FAM47B: variants seen among roughly 807,000 people sequenced by gnomAD.
The protein encoded by FAM47B is family with sequence similarity 47 member B.
For missense variants in FAM47B, 581 were observed against 550.1 expected, an observed-to-expected ratio of 1.06 and a Z score of -0.56; for synonymous variants, 247 against 215.8, an observed-to-expected ratio of 1.14 and a Z score of -1.27.
Position 34,944,365 on chromosome X carries a change from A to G in FAM47B, c.1534A>G (p.Met512Val). ...NECASRLMYGMELDDMDEVEF... is the reference protein window; with the variant it reads ...NECASRLMYGVELDDMDEVEF... ...GTGTGCTTCAAGGCTGATGTACGGC[A>G]TGGAGCTAGACGACATGGATGAGGT... Residue 512 changes from methionine to valine, a missense_variant, in exon 1 of 1, where the codon ATG (methionine) becomes GTG (valine). Physicochemically the swap from Met to Val is conservative, Grantham distance 21. Transcript: ENST00000329357. 8.3e-7 allele frequency: 1 copy of G among 1,212,080 alleles called. No individual in the cohort carries two copies. The highest frequency in any genetic ancestry group is 1.1e-6 in the Non-Finnish European group (1 of 895,667).
At position 34,944,545 on chromosome X, in the gene FAM47B, C is replaced by T. The variant is rs1310731534; in HGVS notation, c.1714C>T (p.Pro572Ser). The change falls in exon 1 of 1, where the codon CCC (proline) becomes TCC (serine). Residue 572 changes from proline (P) to serine (S), a missense_variant. By Grantham distance (74) the Pro-to-Ser change is moderately conservative. Transcript: ENST00000329357. The stretch of plus-strand genomic sequence containing the variant: ...TGATGAACCTTTGATTGACCCCAAG[C>T]CCGTACTTGAAAAGCCTGATGAACC... ...RSDEPLIDPK[P>S]VLEKPDEPDI... The T allele has an allele frequency of 1.2e-5, 14 of 1,208,565 alleles. No individual in the cohort carries two copies. The highest frequency in any genetic ancestry group is 3.5e-5 in the African/African-American group (2 of 57,047).
chrX:34,944,187 C>T lies in FAM47B; in HGVS notation c.1356C>T (p.Asp452=), dbSNP rs1343132321. Residue 452 remains aspartate, a synonymous_variant, in exon 1 of 1, where the codon GAC becomes GAT. Transcript: ENST00000329357. ...DTPSTMECVS[D]SLQRRHTSRK... ...CAAGCACAATGGAGTGTGTTTCTGA[C>T]TCTCTTCAACGTAGACACACATCGA... is the stretch of plus-strand genomic sequence containing the variant. The T allele has an allele frequency of 8.3e-7, 1 of 1,209,841 alleles. No homozygotes were observed. Among genetic ancestry groups the T allele is most frequent in the Admixed American group, 2.2e-5 (1 of 45,703 alleles).
Position 34,943,317 on chromosome X carries a change from T to G in FAM47B, c.486T>G (p.Ala162=), listed in dbSNP as rs1367019574. 20 of 1,210,877 alleles carry G rather than the reference T, an allele frequency of 1.7e-5. No individual in the cohort carries two copies. Among genetic ancestry groups the G allele is most frequent in the Non-Finnish European group, 2.1e-5 (19 of 895,144 alleles). Residue 162 remains alanine, a synonymous_variant, in exon 1 of 1, where the codon GCT becomes GCG. Coordinates refer to ENST00000329357, the MANE Select transcript of FAM47B (RefSeq NM_152631.3). ...ATCCCGAGAGGAAGCTGGAGGACGC[T>G]TGGGCTCGTTGTGAGGCCCGGGAGA... ...QLDPERKLED[A]WARCEAREKT...
chrX:34,943,265 T>G lies in FAM47B; in HGVS notation c.434T>G (p.Leu145Arg). The change falls in exon 1 of 1, where the codon CTC (leucine) becomes CGC (arginine). Residue 145 changes from leucine (L) to arginine (R), a missense_variant. Coordinates refer to ENST00000329357, the MANE Select transcript of FAM47B (RefSeq NM_152631.3). The part of the protein sequence containing the change: ...PNLGKDMPPD[L>R]LLQVLKQLDP... ...CTGGGAAAAGATATGCCTCCAGATC[T>G]CCTACTACAGGTGCTGAAACAGCTG... The G allele has an allele frequency of 8.3e-7, 1 of 1,211,369 alleles. No homozygotes were observed. Among genetic ancestry groups the G allele is most frequent in the Non-Finnish European group, 1.1e-6 (1 of 895,382 alleles).
Position 34,944,734 on chromosome X carries a change from A to G in FAM47B, c.1903A>G (p.Lys635Glu), listed in dbSNP as rs868183195. 1.1e-5 allele frequency: 13 copies of G among 1,176,561 alleles called. No homozygotes were observed. In the Middle Eastern group the frequency reaches 1.2e-3, roughly 108 times the overall value. ...ACGTGCAGTGCAAGTTTACAAGTAC[A>G]AAGAAGACGTCACAGATGCATCAAA... ...IQRAVQVYKY[K>E]EDVTDASKED Residue 635 changes from lysine (K) to glutamate (E), a missense_variant, in exon 1 of 1, where the codon AAA (lysine) becomes GAA (glutamate). Transcript: ENST00000329357.
chrX:34,944,710 C>T lies in FAM47B; in HGVS notation c.1879C>T (p.Arg627Cys), dbSNP rs772270853. 13 of 1,194,874 alleles carry T rather than the reference C, an allele frequency of 1.1e-5. No individual in the cohort carries two copies. Among genetic ancestry groups the T allele is most frequent in the Admixed American group, 2.3e-5 (1 of 43,562 alleles). The change falls in exon 1 of 1, where the codon CGT becomes TGT. Residue 627 changes from arginine (R) to cysteine (C), a missense_variant. Physicochemically the swap from Arg to Cys is radical, Grantham distance 180. Coordinates refer to ENST00000329357, the MANE Select transcript of FAM47B (RefSeq NM_152631.3). ...TYDSVKTPIQ[R>C]AVQVYKYKED... ...CGACTCTGTTAAGACTCCTATTCAA[C>T]GTGCAGTGCAAGTTTACAAGTACAA... is the stretch of plus-strand genomic sequence containing the variant.
rs1926824109 is a variant in FAM47B at position 34,943,665 on chromosome X, T to C, written c.834T>C (p.Thr278=). 2 of 1,209,411 alleles carry C rather than the reference T, an allele frequency of 1.7e-6. No homozygotes were observed. Among genetic ancestry groups the C allele is most frequent in the African/African-American group, 1.8e-5 (1 of 56,927 alleles). Residue 278 remains threonine (T), a synonymous_variant, in exon 1 of 1, where the codon ACT becomes ACC. Transcript: ENST00000329357. Reference sequence around the variant, plus strand: ...GTGTCCACCCAGAGCCTCCTGATACTGGAGCGTCCCATCTCTGCCCGGAGC... The same window carrying C: ...GTGTCCACCCAGAGCCTCCTGATACCGGAGCGTCCCATCTCTGCCCGGAGC... ...VSSVHPEPPD[T]GASHLCPEPP...
rs758694214 is a variant in FAM47B at position 34,943,188 on chromosome X, G to A, written c.357G>A (p.Glu119=). Residue 119 remains glutamate (E), a synonymous_variant, in exon 1 of 1, where the codon GAG becomes GAA. Transcript: ENST00000329357. Reference sequence around the variant, plus strand: ...AGCCAGCACGGAAGGCGTTCGTAGAGGAAGTGGAAGCCCAGCTGATGACCA... The same window carrying A: ...AGCCAGCACGGAAGGCGTTCGTAGAAGAAGTGGAAGCCCAGCTGATGACCA... ...PVQPARKAFV[E]EVEAQLMTKH... is the part of the protein sequence containing the mutation. 6 of 1,209,371 alleles carry A rather than the reference G, an allele frequency of 5.0e-6. No homozygotes were observed. In the African/African-American group the frequency reaches 7.0e-5, roughly 14 times the overall value.
rs1289803314 is a variant in FAM47B at position 34,943,425 on chromosome X, T to C, written c.594T>C (p.Arg198=). Residue 198 remains arginine (R), a synonymous_variant, in exon 1 of 1, where the codon CGT becomes CGC. Transcript: ENST00000329357. ...CPRPPETPVS[R]LRPQLPKTPV... is the part of the protein sequence containing the mutation. ...GGCCTCCCGAGACTCCGGTGTCCCG[T>C]CTCCGTCCTCAGCTTCCCAAGACTC... is the stretch of plus-strand genomic sequence containing the variant. 4 of 1,210,199 alleles carry C rather than the reference T, an allele frequency of 3.3e-6. No homozygotes were observed. In the East Asian group the frequency reaches 8.9e-5, roughly 27 times the overall value.
At position 34,944,666 on chromosome X, in the gene FAM47B, C is replaced by T. The variant is rs1926857216; in HGVS notation, c.1835C>T (p.Ala612Val). The T allele has an allele frequency of 2.5e-6, 3 of 1,211,303 alleles. No homozygotes were observed. The highest frequency in any genetic ancestry group is 3.4e-6 in the Non-Finnish European group (3 of 895,342). Reference sequence around the variant, plus strand: ...CCTGGCGTCATTGAAAAGCTGTTTGCCAAGAAGGGATGGACTTACGACTCT... The same window carrying T: ...CCTGGCGTCATTGAAAAGCTGTTTGTCAAGAAGGGATGGACTTACGACTCT... Reference protein sequence around the residue: ...RMPGVIEKLFAKKGWTYDSVK... With the variant: ...RMPGVIEKLFVKKGWTYDSVK... The change falls in exon 1 of 1, where the codon GCC becomes GTC. Residue 612 changes from alanine to valine, a missense_variant. Coordinates refer to ENST00000329357, the MANE Select transcript of FAM47B (RefSeq NM_152631.3).
chrX:34,944,892 A>T lies in FAM47B; in HGVS notation c.*123A>T. On this transcript the variant is annotated 3_prime_UTR_variant, in exon 1 of 1. Coordinates refer to ENST00000329357, the MANE Select transcript of FAM47B (RefSeq NM_152631.3). ...GCAACATCTGTAAATTCAATACCCA[A>T]TGCTTATAAATATGTCTTAATGACC... The T allele has an allele frequency of 1.3e-6, 1 of 752,702 alleles. No homozygotes were observed. Among genetic ancestry groups the T allele is most frequent in the Non-Finnish European group, 1.9e-6 (1 of 536,648 alleles). The allele number at this position is 752,702 out of a possible 1,213,427, so 62.0% of individuals were successfully genotyped here. A position where few individuals can be genotyped will look rare whatever the true frequency, so the allele number is the denominator to read the frequency against.
chrX:34,942,927 G>A lies in FAM47B; in HGVS notation c.96G>A (p.Lys32=). The change falls in exon 1 of 1, where the codon AAG becomes AAA. Residue 32 remains lysine, a synonymous_variant. Transcript: ENST00000329357. ...AACCGCCTTCCAAGTACTTCGCGAA[G>A]CGCAAGCACAGGCGCCTGAGGTTCC... ...CDKPPSKYFA[K]RKHRRLRFPP... 1 of 1,212,264 alleles carries A rather than the reference G, an allele frequency of 8.2e-7. No homozygotes were observed. The highest frequency in any genetic ancestry group is 1.1e-6 in the Non-Finnish European group (1 of 895,576).
rs1409106885 is a variant in FAM47B at position 34,944,018 on chromosome X, A to G, written c.1187A>G (p.His396Arg). 4.1e-6 allele frequency: 5 copies of G among 1,207,340 alleles called. No individual in the cohort carries two copies. Among genetic ancestry groups the G allele is most frequent in the Middle Eastern group, 2.3e-4 (1 of 4,319 alleles). The change falls in exon 1 of 1, where the codon CAT (histidine) becomes CGT (arginine). Residue 396 changes from histidine (H) to arginine (R), a missense_variant. Transcript: ENST00000329357. The part of the protein sequence containing the change: ...CPRPFESRMP[H>R]LRLVLPITRR... ...CGGCCTTTTGAGAGTCGGATGCCCC[A>G]TCTCCGCCTGGTGCTTCCCATAACT...
chrX:34,943,901 T>A lies in FAM47B; in HGVS notation c.1070T>A (p.Leu357Gln). 8.3e-7 allele frequency: 1 copy of A among 1,211,218 alleles called. No individual in the cohort carries two copies. The highest frequency in any genetic ancestry group is 1.1e-6 in the Non-Finnish European group (1 of 895,452). ...QVLKLDSEKK[L>Q]EDARARCEGQ... is the part of the protein sequence containing the mutation. ...CTGAAACTGGATTCTGAGAAGAAGC[T>A]GGAAGACGCACGGGCTCGTTGTGAG... Residue 357 changes from leucine to glutamine, a missense_variant, in exon 1 of 1, where the codon CTG becomes CAG. Physicochemically the swap from Leu to Gln is moderately radical, Grantham distance 113. Coordinates refer to ENST00000329357, the MANE Select transcript of FAM47B (RefSeq NM_152631.3).
chrX:34,943,305 G>A lies in FAM47B; in HGVS notation c.474G>A (p.Lys158=). 1 of 1,211,272 alleles carries A rather than the reference G, an allele frequency of 8.3e-7. No homozygotes were observed. The highest frequency in any genetic ancestry group is 1.1e-6 in the Non-Finnish European group (1 of 895,352). The change falls in exon 1 of 1, where the codon AAG becomes AAA. Residue 158 remains lysine, a synonymous_variant. Coordinates refer to ENST00000329357, the MANE Select transcript of FAM47B (RefSeq NM_152631.3). ...QVLKQLDPER[K]LEDAWARCEA... is the part of the protein sequence containing the mutation. ...TGAAACAGCTGGATCCCGAGAGGAA[G>A]CTGGAGGACGCTTGGGCTCGTTGTG...
In FAM47B at chrX:34,944,392, G is replaced by C; in HGVS notation, c.1561G>C (p.Glu521Gln). The C allele has an allele frequency of 2.5e-6, 3 of 1,211,775 alleles. No homozygotes were observed. The highest frequency in any genetic ancestry group is 3.3e-6 in the Non-Finnish European group (3 of 895,561). The change falls in exon 1 of 1, where the codon GAA becomes CAA. Residue 521 changes from glutamate to glutamine, a missense_variant. Physicochemically the swap from Glu to Gln is conservative, Grantham distance 29 (BLOSUM62 2). Coordinates refer to ENST00000329357, the MANE Select transcript of FAM47B (RefSeq NM_152631.3). Reference sequence around the variant, plus strand: ...GGAGCTAGACGACATGGATGAGGTCGAATTCTTACGGATAAAATACTGGGA... The same window carrying C: ...GGAGCTAGACGACATGGATGAGGTCCAATTCTTACGGATAAAATACTGGGA... Reference protein sequence around the residue: ...GMELDDMDEVEFLRIKYWDRR... With the variant: ...GMELDDMDEVQFLRIKYWDRR...
rs373424093 is a variant in FAM47B at position 34,944,497 on chromosome X, A to C, written c.1666A>C (p.Lys556Gln). The C allele has an allele frequency of 2.5e-5, 30 of 1,209,889 alleles. No individual in the cohort carries two copies. Among genetic ancestry groups the C allele is most frequent in the Non-Finnish European group, 3.1e-5 (28 of 895,234 alleles). Residue 556 changes from lysine (K) to glutamine (Q), a missense_variant, in exon 1 of 1, where the codon AAG becomes CAG. Coordinates refer to ENST00000329357, the MANE Select transcript of FAM47B (RefSeq NM_152631.3). ...IRYGPWYFEPKLGKKLRSDEP... is the reference protein window; with the variant it reads ...IRYGPWYFEPQLGKKLRSDEP... The stretch of plus-strand genomic sequence containing the variant: ...GTATGGACCATGGTACTTCGAGCCT[A>C]AGTTGGGGAAAAAGCTAAGAAGTGA...
At position 34,943,074 on chromosome X, in the gene FAM47B, A is replaced by T; in HGVS notation, c.243A>T (p.Ile81=). Residue 81 remains isoleucine, a synonymous_variant, in exon 1 of 1, where the codon ATA becomes ATT. Coordinates refer to ENST00000329357, the MANE Select transcript of FAM47B (RefSeq NM_152631.3). ...CRRDEFLLPK[I]SLRGPQADRK... is the part of the protein sequence containing the mutation. ...GTGACGAGTTTTTACTCCCCAAAAT[A>T]TCTCTCAGAGGTCCCCAAGCTGACC... 1.7e-6 allele frequency: 2 copies of T among 1,211,502 alleles called. No individual in the cohort carries two copies. The highest frequency in any genetic ancestry group is 2.2e-6 in the Non-Finnish European group (2 of 895,474).
chrX:34,943,154 CGCCAGTACA>C lies in FAM47B; in HGVS notation c.329_337del (p.Val110_Pro112del), dbSNP rs759524668. On this transcript the variant is annotated inframe_deletion, in exon 1 of 1. Coordinates refer to ENST00000329357, the MANE Select transcript of FAM47B (RefSeq NM_152631.3). ...AAAGCGGCCCTATTTTCCGAGCTCT[CGCCAGTACA>C]GCCAGCACGGAAGGCGTTCGTAGAG... The C allele has an allele frequency of 1.1e-4, 129 of 1,210,101 alleles. No homozygotes were observed. In the Admixed American group the frequency reaches 2.8e-3, roughly 26 times the overall value.
Sources: gnomAD v4.1 joint callset for allele counts on GRCh38, gnomAD v4.1.1 for gene constraint, MANE v1.5 for transcripts, NCBI Gene and HGNC (gene_info 2026-07-23, HGNC 2026-07-21) for gene names.